ARHGAP25: variants seen among roughly 807,000 people sequenced by gnomAD.
The protein encoded by ARHGAP25 is Rho GTPase activating protein 25.
In ARHGAP25, 34 loss-of-function variants were observed where a neutral mutation model predicts 71.0. The ratio of observed to expected loss-of-function variants is 0.48; its 90% CI spans 0.36 to 0.64. The LOEUF (loss-of-function observed/expected upper bound fraction) is 0.64. Ranked by LOEUF, ARHGAP25 falls within the 30% of genes least tolerant of loss-of-function variation. The pLI is 0.00. For synonymous variants in ARHGAP25, 282 were observed against 296.5 expected (o/e 0.95, Z 0.50); for missense variants, 706 against 805.1 (o/e 0.88, Z 1.49).
chr2:68,732,416 C>T (rs181342604), upstream of ARHGAP25, among the ~76,000 whole-genome samples: 4 of 152,318 alleles, frequency 2.6e-5, no homozygotes, highest in East Asian at 7.7e-4. Context: ...GTCGAATTCC[C>T]CCGTGGAGAT....
chr2:68,749,452 T>C (rs1188364768), intron 1 of ARHGAP25, among the ~76,000 whole-genome samples: 1 of 152,180 alleles, frequency 6.6e-6, no homozygotes, highest in African/African-American at 2.4e-5. Context: ...TCCACTTCTC[T>C]TACCTCCCTT....
At chr2:68,763,864 T>C (rs1676968747) in intron 1 of ARHGAP25, among the ~76,000 whole-genome samples, 2 of 152,220 alleles carry the variant, frequency 1.3e-5, no homozygotes, top group Non-Finnish European at 2.9e-5. Flanking sequence ...TTCTAATCTT[T>C]CTTTTAAAAA....
intron 4 of ARHGAP25, among the ~76,000 whole-genome samples, chr2:68,794,248 G>T (rs567129069): frequency 6.6e-6 from 1 of 151,936 alleles, no homozygotes; most frequent in African/African-American, 2.4e-5. Flanking sequence ...TTCCAATTTG[G>T]ATACCACTTA....
intron 8 of ARHGAP25, among the ~76,000 whole-genome samples, 189 bp downstream of exon 8, chr2:68,818,183 G>A (rs532154994): frequency 1.2e-4 from 18 of 152,304 alleles, no homozygotes; most frequent in African/African-American, 4.1e-4. Context: ...TCACAACAAA[G>A]GACAGAGGTC....
intron 1 of ARHGAP25, among the ~76,000 whole-genome samples, chr2:68,762,190 T>C (rs749246374): frequency 3.9e-5 from 6 of 152,136 alleles, no homozygotes; most frequent in Non-Finnish European, 7.4e-5. Flanking sequence ...GACAAATTCA[T>C]AGAGACAGAA....
chr2:68,770,788 T>C (rs1356602525), intron 1 of ARHGAP25, among the ~76,000 whole-genome samples: 1 of 152,198 alleles, frequency 6.6e-6, no homozygotes, highest in Non-Finnish European at 1.5e-5. Flanking sequence ...AGCTCCCTAC[T>C]ACCTCTCTAA....
chr2:68,768,189 A>G (rs1677249107), intron 1 of ARHGAP25, among the ~76,000 whole-genome samples: 1 of 152,236 alleles, frequency 6.6e-6, no homozygotes, highest in Admixed American at 6.5e-5. Context: ...GTACTTACAT[A>G]AAGAGCATGA....
chr2:68,820,484 T>G (rs949201235), intron 9 of ARHGAP25, among the ~76,000 whole-genome samples: 2 of 152,134 alleles, frequency 1.3e-5, no homozygotes, highest in Non-Finnish European at 1.5e-5. Flanking sequence ...CGGGTGGGGT[T>G]TCTGAAGCAA....
chr2:68,775,891 CACATAA>C (rs1677862403), intron 2 of ARHGAP25: 1 of 323,594 alleles, frequency 3.1e-6, no homozygotes, highest in Non-Finnish European at 6.1e-6. Flanking sequence ...GAGGAAAAGA[CACATAA>C]ACATAACAAA....
At chr2:68,787,696 A>G in intron 3 of ARHGAP25, 144 bp from the exon 4 acceptor site, 1 of 695,912 alleles carries the variant, frequency 1.4e-6, no homozygotes, top group Non-Finnish European at 2.6e-6. Flanking sequence ...TCCACTGAGG[A>G]TAATTCGACA....
intron 1 of ARHGAP25, among the ~76,000 whole-genome samples, chr2:68,744,377 C>T (rs570517282): frequency 6.6e-6 from 1 of 152,260 alleles, no homozygotes; most frequent in South Asian, 2.1e-4. Context: ...CGAGATTGTA[C>T]CGTTTTGCTC....
At chr2:68,716,816 A>G (rs1177290858) in intron 2 of ARHGAP25, among the ~76,000 whole-genome samples, 1 of 152,096 alleles carries the variant, frequency 6.6e-6, no homozygotes, top group East Asian at 1.9e-4. Context: ...TCATTGTGAC[A>G]TGGTTTTGCC....
intron 9 of ARHGAP25, among the ~76,000 whole-genome samples, chr2:68,821,796 T>C (rs1187819351): frequency 1.3e-5 from 2 of 152,182 alleles, no homozygotes; most frequent in African/African-American, 4.8e-5. Flanking sequence ...ATCTTGTCCT[T>C]TGCCCATAAT....
At chr2:68,713,075 A>C (rs972224711) in intron 2 of ARHGAP25, among the ~76,000 whole-genome samples, 4 of 152,180 alleles carry the variant, frequency 2.6e-5, no homozygotes, top group African/African-American at 9.7e-5. Flanking sequence ...TAGGGATGGC[A>C]TTGAATCTAT....
At chr2:68,769,823 G>A (rs1466695427) in intron 1 of ARHGAP25, among the ~76,000 whole-genome samples, 1 of 152,154 alleles carries the variant, frequency 6.6e-6, no homozygotes, top group Non-Finnish European at 1.5e-5. Flanking sequence ...GGACATTCCA[G>A]CAGAGAGAAT....
rs376340606 is a variant in ARHGAP25 at position 68,821,660 on chromosome 2, T to C, written c.1201-680T>C. On this transcript the variant is annotated intron_variant, in intron 9 of 10. Coordinates refer to ENST00000409202, the MANE Select transcript of ARHGAP25 (RefSeq NM_001007231.3). ...GTCAAATTTTGGGGGTTTGCTCATC[T>C]GATAAGTGAGAACTGGCATTTCAGT... 3.9e-5 allele frequency among the ~76,000 whole-genome samples: 6 copies of C among 152,232 alleles called. No homozygotes were observed. The East Asian group carries it at 7.7e-4, about 20-fold the overall frequency.
At chr2:68,731,208 A>G (rs953450187), upstream of ARHGAP25, among the ~76,000 whole-genome samples, 10 of 152,042 alleles carry the variant, frequency 6.6e-5, no homozygotes, top group African/African-American at 2.4e-4. Flanking sequence ...AACATGCCCC[A>G]AACTAAGCCC....
chr2:68,735,410 C>T (rs924524985), intron 1 of ARHGAP25, 150 bp downstream of exon 1: 13 of 791,032 alleles, frequency 1.6e-5, no homozygotes, highest in South Asian at 1.2e-4. Flanking sequence ...AGTTGGCATG[C>T]CAGGTCCAAG....
intron 1 of ARHGAP25, chr2:68,774,966 G>C (rs1244333656): frequency 7.0e-7 from 1 of 1,427,568 alleles, no homozygotes; most frequent in Non-Finnish European, 9.1e-7. Context: ...CGCGGTGCCG[G>C]ACTGCCTGTG....
Sources: allele counts gnomAD v4.1 joint callset (sites outside exome capture counted in the v4.1 genomes callset), GRCh38; gene constraint gnomAD v4.1.1; transcripts MANE v1.5; gene names NCBI Gene and HGNC (gene_info 2026-07-23, HGNC 2026-07-21).